MCM4: variants seen among roughly 807,000 people sequenced by gnomAD.
The protein encoded by MCM4 is minichromosome maintenance complex component 4.
Under a neutral mutation model 88.7 loss-of-function variants are expected in MCM4, and 60 were observed. That is an observed-to-expected ratio of 0.68 (90% confidence interval 0.55 to 0.84). The LOEUF is 0.84. Among genes scored for constraint, MCM4 ranks in the 40% least tolerant of loss-of-function variants. MCM4 has a pLI of 0.00. For synonymous variants in MCM4, 465 were observed against 410.5 expected (o/e 1.13, Z -1.61); for missense variants, 1,149 against 1,105.5 (o/e 1.04, Z -0.56).
At chr8:47,967,985 C>G (rs2090915262) in intron 10 of MCM4, among the ~76,000 whole-genome samples, 1 of 152,086 alleles carries the variant, frequency 6.6e-6, no homozygotes, top group Admixed American at 6.5e-5. Flanking sequence ...TGTGTAGAAG[C>G]TGAGGTTCAG....
chr8:47,973,406 CCT>C (rs1429819825), intron 14 of MCM4, among the ~76,000 whole-genome samples: 6 of 152,184 alleles, frequency 3.9e-5, no homozygotes, highest in African/African-American at 1.4e-4. Context: ...GAAATCCTGA[CCT>C]CAAGTGATGC....
chr8:47,964,780 C>T (rs2090883939), intron 8 of MCM4, 68 bp downstream of exon 8: 1 of 1,329,740 alleles, frequency 7.5e-7, no homozygotes, highest in South Asian at 1.5e-5. Context: ...GCCTTGTTTT[C>T]ATTGAGAAAT....
chr8:47,966,469 C>T, intron 9 of MCM4, 62 bp downstream of exon 9: 1 of 1,465,672 alleles, frequency 6.8e-7, no homozygotes, highest in Non-Finnish European at 9.2e-7. Flanking sequence ...AAAAGGCCAA[C>T]TATAACTTGT....
chr8:47,969,695 G>A (rs1240818434), intron 10 of MCM4, 103 bp from the exon 11 acceptor site: 7 of 1,200,898 alleles, frequency 5.8e-6, no homozygotes, highest in East Asian at 2.4e-5. Context: ...CCAGCCCGAC[G>A]TGGTGCCTCG....
intron 11 of MCM4, 56 bp from the exon 12 acceptor site, chr8:47,970,455 A>G: frequency 1.3e-6 from 2 of 1,527,088 alleles, no homozygotes; most frequent in Non-Finnish European, 1.8e-6. Flanking sequence ...AGTTTAAACT[A>G]CATCTCAGTT....
At chr8:47,964,817 G>A (rs2090884316) in intron 8 of MCM4, 105 bp downstream of exon 8, 1 of 930,006 alleles carries the variant, frequency 1.1e-6, no homozygotes, top group Admixed American at 2.9e-5. Context: ...GGCGGTGGTA[G>A]TCAAGGTGAC....
intron 9 of MCM4, among the ~76,000 whole-genome samples, chr8:47,967,147 C>T (rs1445681630): frequency 1.3e-5 from 2 of 152,234 alleles, no homozygotes; most frequent in Non-Finnish European, 2.9e-5. Context: ...CTTCCCCCAC[C>T]GCAGCTCCCT....
At chr8:47,962,237 A>G in intron 4 of MCM4, 21 bp downstream of exon 4, 2 of 1,614,104 alleles carry the variant, frequency 1.2e-6, no homozygotes, top group Non-Finnish European at 1.7e-6. Context: ...AGTCTCCTGA[A>G]ACCATCTTAT....
At position 47,966,302 on chromosome 8, in the gene MCM4, G is replaced by T. The variant is rs1456326251; in HGVS notation, c.948G>T (p.Glu316Asp). 2 of 1,613,934 alleles carry T rather than the reference G, an allele frequency of 1.2e-6. No homozygotes were observed. Among genetic ancestry groups the T allele is most frequent in the Non-Finnish European group, 1.7e-6 (2 of 1,180,048 alleles). ...CQVCAHTTRV[E>D]MDRGRIAEPS... ...TGTGTGCCCACACGACCCGGGTGGA[G>T]ATGGACCGCGGCCGCATTGCAGAGC... Residue 316 changes from glutamate (E) to aspartate (D), a missense_variant, in exon 9 of 17, where the codon GAG becomes GAT. Transcript: ENST00000649973.
intron 12 of MCM4, 22 bp from the exon 13 acceptor site, chr8:47,971,319 A>T: frequency 6.2e-7 from 1 of 1,613,914 alleles, no homozygotes; most frequent in African/African-American, 1.3e-5. Flanking sequence ...GAGGCTTCTA[A>T]CTGCACTCTT....
At chr8:47,964,524 T>C in intron 7 of MCM4, 50 bp from the exon 8 acceptor site, 3 of 1,446,550 alleles carry the variant, frequency 2.1e-6, no homozygotes, top group Non-Finnish European at 2.8e-6. Flanking sequence ...CTTTATTATA[T>C]TTAACACTGA....
chr8:47,967,390 AC>A lies in MCM4; in HGVS notation c.1080del (p.Asp360GlufsTer29). ...QMIKLQESPE[D>X]MPAGQTPHTV... ...ATCAAGCTTCAGGAGTCTCCGGAAG[AC>A]ATGCCTGCAGGGCAGACACCACACA... On this transcript the variant is annotated frameshift_variant, in exon 10 of 17. Transcript: ENST00000649973. LOFTEE classifies it high-confidence loss of function. 1.9e-6 allele frequency: 3 copies of A among 1,614,224 alleles called. No individual in the cohort carries two copies. The highest frequency in any genetic ancestry group is 2.5e-6 in the Non-Finnish European group (3 of 1,180,026).
At chr8:47,967,327 C>T in intron 9 of MCM4, 38 bp from the exon 10 acceptor site, 2 of 1,613,082 alleles carry the variant, frequency 1.2e-6, no homozygotes, top group Non-Finnish European at 1.7e-6. Flanking sequence ...CCTGCCCTCT[C>T]TTTGTGGCCC....
Position 47,961,553 on chromosome 8 carries a change from A to G in MCM4, c.108A>G (p.Arg36=), listed in dbSNP as rs2090835350. 4 of 1,614,110 alleles carry G rather than the reference A, an allele frequency of 2.5e-6. No homozygotes were observed. The highest frequency in any genetic ancestry group is 3.4e-6 in the Non-Finnish European group (4 of 1,180,032). Residue 36 remains arginine, a synonymous_variant, in exon 3 of 17, where the codon AGA becomes AGG. Coordinates refer to ENST00000649973, the MANE Select transcript of MCM4 (RefSeq NM_182746.3). ...ATGCCAGGTCATCTCCCTCTCAGAG[A>G]CGTAGAGGCGAGGATTCCACCTCCA... The part of the protein sequence containing the change: ...SEDARSSPSQ[R]RRGEDSTSTG...
chr8:47,961,339 C>T, intron 2 of MCM4, 125 bp downstream of exon 2: 1 of 1,459,042 alleles, frequency 6.9e-7, no homozygotes, highest in South Asian at 1.4e-5. Context: ...GGCGCTGCCG[C>T]TTGGTGCGCA....
chr8:47,972,497 C>T (rs1348738622), intron 13 of MCM4, among the ~76,000 whole-genome samples: 2 of 152,056 alleles, frequency 1.3e-5, no homozygotes, highest in African/African-American at 2.4e-5. Flanking sequence ...TTTAGTACGT[C>T]GTTTGTAGGT....
intron 16 of MCM4, among the ~76,000 whole-genome samples, chr8:47,976,371 T>G (rs1237961489): frequency 1.3e-5 from 2 of 152,070 alleles, no homozygotes; most frequent in Non-Finnish European, 2.9e-5. Flanking sequence ...AATATTTGGG[T>G]GTCCTTTTGT....
chr8:47,964,707 C>A lies in MCM4; in HGVS notation c.827C>A (p.Pro276Gln). 1 of 1,547,972 alleles carries A rather than the reference C, an allele frequency of 6.5e-7. No homozygotes were observed. Among genetic ancestry groups the A allele is most frequent in the South Asian group, 1.2e-5 (1 of 80,004 alleles). ...LKTKNMRNLN[P>Q]EDIDQLITIS... ...ACTAAGAATATGAGAAACCTGAATC[C>A]AGAAGGTAATGTATTTTTCATAGGA... Residue 276 changes from proline to glutamine, a missense_variant, in exon 8 of 17, where the codon CCA becomes CAA. By Grantham distance (76) the Pro-to-Gln change is moderately conservative (BLOSUM62 -1). Around this residue, in one of 3 missense-constraint regions of MCM4, gnomAD observed 906 missense variants for 843.0 expected, o/e 1.07. Transcript: ENST00000649973.
intron 16 of MCM4, 98 bp from the exon 17 acceptor site, chr8:47,976,588 A>G (rs911907688): frequency 7.1e-6 from 6 of 841,936 alleles, no homozygotes; most frequent in Non-Finnish European, 1.2e-5. Context: ...AAAGAGAAAG[A>G]TTCTGGGTGG....
Sources: gnomAD v4.1 joint callset for allele counts (sites outside exome capture counted in the v4.1 genomes callset) on GRCh38, gnomAD v4.1.1 for gene constraint, gnomAD v4.1.1 regional missense constraint, MANE v1.5 for transcripts, NCBI Gene and HGNC (gene_info 2026-07-23, HGNC 2026-07-21) for gene names.